The following SLCO1A2 variants were observed in gnomAD, a reference collection of about 807,000 sequenced individuals.
The protein encoded by SLCO1A2 is solute carrier organic anion transporter family member 1A2, also known as OATP-1.
SLCO1A2 carries 67 observed loss-of-function variants against 69.0 expected under a neutral mutation model. The observed-to-expected ratio is 0.97, with a 90% CI of 0.80 to 1.19. The LOEUF is 1.19. Among genes scored for constraint, SLCO1A2 ranks in the 50% most tolerant of loss-of-function variants. The probability of loss-of-function intolerance (pLI) is 0.00; values close to 1 mark genes in which losing one functional copy is unlikely to be tolerated. For missense variants in SLCO1A2, 787 were observed against 793.7 expected, an observed-to-expected ratio of 0.99 and a Z score of 0.10; for synonymous variants, 260 against 265.9, an observed-to-expected ratio of 0.98 and a Z score of 0.22.
chr12:21,282,201 C>G (rs1473604379), intron 12 of SLCO1A2, among the ~76,000 whole-genome samples: 1 of 150,654 alleles, frequency 6.6e-6, no homozygotes, highest in Non-Finnish European at 1.5e-5. Context: ...ACTATTAAAC[C>G]AAATTCAACA....
chr12:21,348,754 C>T (rs1015250998), intron 2 of SLCO1A2, among the ~76,000 whole-genome samples: 3 of 152,072 alleles, frequency 2.0e-5, no homozygotes, highest in Non-Finnish European at 4.4e-5. Flanking sequence ...TCAATTCAGC[C>T]ATTTGTTATT....
intron 4 of SLCO1A2, among the ~76,000 whole-genome samples, chr12:21,307,928 T>C (rs1377746143): frequency 6.6e-6 from 1 of 152,156 alleles, no homozygotes; most frequent in African/African-American, 2.4e-5. Context: ...AGTTTGGCTG[T>C]GAACTATAGA....
chr12:21,344,942 G>A (rs759076873), intron 2 of SLCO1A2, among the ~76,000 whole-genome samples: 4 of 151,710 alleles, frequency 2.6e-5, no homozygotes, highest in African/African-American at 7.3e-5. Flanking sequence ...AATAATAAAG[G>A]TTCTTTCCCC....
At chr12:21,351,818 G>T (rs1404654067) in intron 2 of SLCO1A2, among the ~76,000 whole-genome samples, 1 of 151,794 alleles carries the variant, frequency 6.6e-6, no homozygotes, top group Non-Finnish European at 1.5e-5. Context: ...GAAAGTTTAG[G>T]AATAGACCAT....
Position 21,408,593 on chromosome 12 carries a change from G to A in SLCO1A2, c.-312+9289C>T, listed in dbSNP as rs1941859592. Among the ~76,000 whole-genome samples the A allele has an allele frequency of 4.6e-5, 7 of 152,084 alleles. No homozygotes were observed. The South Asian group carries it at 1.5e-3, about 32-fold the overall frequency. ...GAAAAGTGTCCCAGTCCCCTTCTCT[G>A]TTGATGAAACTCAGTATCATGTTGA... On this transcript the variant is annotated intron_variant, in intron 1 of 4. Coordinates refer to the SLCO1A2 transcript ENST00000413682.
At chr12:21,380,888 C>A (rs1940545136) in intron 1 of SLCO1A2, among the ~76,000 whole-genome samples, 1 of 149,906 alleles carries the variant, frequency 6.7e-6, no homozygotes, top group Non-Finnish European at 1.5e-5. Flanking sequence ...CCCCCACTGC[C>A]CCAGCCCCCG....
In SLCO1A2 at chr12:21,267,092, T is replaced by C. The variant is rs1461439720; in HGVS notation, c.*2456A>G. On this transcript the variant is annotated 3_prime_UTR_variant, in exon 15 of 15. Coordinates refer to ENST00000683939, the MANE Select transcript of SLCO1A2 (RefSeq NM_001386879.1). ...AAGAACTAAACTCCCAGGCTTCATGTATACCAACAAAAGAGGTCATGAGGG... is the reference window on the plus strand; with the variant it reads ...AAGAACTAAACTCCCAGGCTTCATGCATACCAACAAAAGAGGTCATGAGGG... The C allele has an allele frequency of 1.3e-5, 2 of 152,184 alleles. No individual in the cohort carries two copies. The highest frequency in any genetic ancestry group is 4.1e-4 in the South Asian group (2 of 4,822). 9.4% of individuals were successfully genotyped at this position (152,184 alleles called of 1,614,324 possible). A position where few individuals can be genotyped will look rare whatever the true frequency, so the allele number is the denominator to read the frequency against.
rs545713528 is a variant in SLCO1A2, at chr12:21,408,316, CT to C, written c.-312+9565del. Among the ~76,000 whole-genome samples, 497 of 152,002 alleles carry C rather than the reference CT, an allele frequency of 3.3e-3. 3 individuals carry two copies. Among genetic ancestry groups the C allele is most frequent in the African/African-American group, 0.011 (450 of 41,482 alleles). ...CTTCTTTGTGTCTATCAACCTCCCT[CT>C]TTTTTTTAATCAGAAACAATACTCT... On this transcript the variant is annotated intron_variant, in intron 1 of 4. Coordinates refer to the SLCO1A2 transcript ENST00000413682.
At chr12:21,398,684 A>T (rs1941569883), upstream of SLCO1A2, among the ~76,000 whole-genome samples, 7 of 151,696 alleles carry the variant, frequency 4.6e-5, no homozygotes, top group Admixed American at 4.6e-4. Context: ...ACCATGATCA[A>T]GTGGGCTTCA....
chr12:21,374,981 T>C (rs1456701145), intron 1 of SLCO1A2, among the ~76,000 whole-genome samples: 1 of 151,988 alleles, frequency 6.6e-6, no homozygotes, highest in Non-Finnish European at 1.5e-5. Context: ...ACCCAGCTAA[T>C]TGTTTTATCT....
At chr12:21,353,939 TGGTGTGTGACAAATGGA>T (rs1938163669) in intron 2 of SLCO1A2, among the ~76,000 whole-genome samples, 1 of 152,226 alleles carries the variant, frequency 6.6e-6, no homozygotes, top group Non-Finnish European at 1.5e-5. Flanking sequence ...GTGGCAGCTT[TGGTGTGTGACAAATGGA>T]GGTTAGATTC....
At chr12:21,305,978 G>A (rs901652902) in intron 5 of SLCO1A2, among the ~76,000 whole-genome samples, 2 of 152,192 alleles carry the variant, frequency 1.3e-5, no homozygotes, top group African/African-American at 4.8e-5. Context: ...AGGGACAGAA[G>A]GGGCAGAAGC....
chr12:21,405,624 C>T (rs1289997303), intron 1 of SLCO1A2, among the ~76,000 whole-genome samples: 1 of 152,148 alleles, frequency 6.6e-6, no homozygotes, highest in African/African-American at 2.4e-5. Flanking sequence ...AACAAGACCG[C>T]ACATCTACAA....
rs895001428 is a variant in SLCO1A2 at position 21,318,238 on chromosome 12, C to A, written c.202+544G>T. On this transcript the variant is annotated intron_variant, in intron 3 of 14. Coordinates refer to ENST00000683939, the MANE Select transcript of SLCO1A2 (RefSeq NM_001386879.1). ...GGTTCACACCATTCTCCTGCTTCAGCCTCCCAAGTAGCTGGGACTACAGGC... is the reference window on the plus strand; with the variant it reads ...GGTTCACACCATTCTCCTGCTTCAGACTCCCAAGTAGCTGGGACTACAGGC... Among the ~76,000 whole-genome samples, 14 of 152,062 alleles carry A rather than the reference C, an allele frequency of 9.2e-5. 1 individual carries two copies. Among genetic ancestry groups the A allele is most frequent in the African/African-American group, 3.4e-4 (14 of 41,478 alleles).
chr12:21,351,268 G>T (rs919079187), intron 2 of SLCO1A2, among the ~76,000 whole-genome samples: 2 of 152,170 alleles, frequency 1.3e-5, no homozygotes, highest in Admixed American at 1.3e-4. Flanking sequence ...AAAGTTCAAT[G>T]TTTGCTTGGA....
intron 2 of SLCO1A2, among the ~76,000 whole-genome samples, chr12:21,351,134 T>C (rs4762699): frequency 0.61 from 92,498 of 151,932 alleles, 29,151 homozygotes; most frequent in Admixed American, 0.72. Flanking sequence ...TACAAGGCAC[T>C]ATGGGGAGGC....
At chr12:21,368,813 A>G (rs1267902721) in intron 2 of SLCO1A2, among the ~76,000 whole-genome samples, 1 of 152,184 alleles carries the variant, frequency 6.6e-6, no homozygotes, top group African/African-American at 2.4e-5. Flanking sequence ...TAATATTGAT[A>G]TAATTCAAAA....
chr12:21,350,835 C>CAAAAAAAAAAAAAAAAA (rs11454466), intron 2 of SLCO1A2, among the ~76,000 whole-genome samples: 3 of 40,732 alleles, frequency 7.4e-5, no homozygotes, highest in Non-Finnish European at 1.2e-4. Context: ...GACTCTGTCT[C>CAAAAAAAAAAAAAAAAA]AAAAAAAAAA....
intron 13 of SLCO1A2, 26 bp downstream of exon 13, chr12:21,275,332 GGA>G: frequency 6.6e-7 from 1 of 1,519,538 alleles, no homozygotes; most frequent in South Asian, 1.2e-5. Flanking sequence ...TGTTCTGATA[GGA>G]TGTGGGAAAA....
Sources: allele counts gnomAD v4.1 joint callset (sites outside exome capture counted in the v4.1 genomes callset), GRCh38; gene constraint gnomAD v4.1.1; transcripts MANE v1.5; gene names NCBI Gene and HGNC (gene_info 2026-07-23, HGNC 2026-07-21).